PDE3A: variants seen among roughly 807,000 people sequenced by gnomAD.
PDE3A encodes cGMP-inhibited 3',5'-cyclic phosphodiesterase 3A.
PDE3A carries 43 observed loss-of-function variants against 98.3 expected under a neutral mutation model. That is an observed-to-expected ratio of 0.44 (90% confidence interval 0.34 to 0.56). The LOEUF is 0.56. Among genes scored for constraint, PDE3A ranks in the 20% least tolerant of loss-of-function variants. The pLI, the probability that PDE3A is intolerant of heterozygous loss-of-function variation, is 0.01. For missense variants in PDE3A, 1,427 were observed against 1,440.7 expected (o/e 0.99, Z 0.15); for synonymous variants, 663 against 567.9 (o/e 1.17, Z -2.38).
At chr12:20,639,370 A>G (rs76559165) in intron 9 of PDE3A, among the ~76,000 whole-genome samples, 3,232 of 152,208 alleles carry the variant, frequency 0.021, 91 homozygotes, top group Non-Finnish European at 0.029. Context: ...CTTATTAGTC[A>G]CTGTTTATGT....
chr12:20,659,947 C>T (rs562524608), intron 15 of PDE3A, among the ~76,000 whole-genome samples: 1 of 152,232 alleles, frequency 6.6e-6, no homozygotes, highest in African/African-American at 2.4e-5. Flanking sequence ...TACATATACA[C>T]AAAAGTAAAG....
intron 1 of PDE3A, among the ~76,000 whole-genome samples, chr12:20,543,581 G>A (rs1041720462): frequency 6.6e-6 from 1 of 152,010 alleles, no homozygotes; most frequent in South Asian, 2.1e-4. Flanking sequence ...TCATGGTCAT[G>A]CACATGCGTT....
At chr12:20,445,539 A>G (rs563959881) in intron 1 of PDE3A, among the ~76,000 whole-genome samples, 7 of 152,298 alleles carry the variant, frequency 4.6e-5, no homozygotes, top group African/African-American at 1.4e-4. Context: ...GTATTAAAAT[A>G]TGGGTGGCAG....
intron 1 of PDE3A, among the ~76,000 whole-genome samples, chr12:20,535,198 C>A (rs1352728965): frequency 6.6e-6 from 1 of 152,158 alleles, no homozygotes; most frequent in Non-Finnish European, 1.5e-5. Context: ...TATAAGGTTC[C>A]ATCTGTCTTG....
intron 1 of PDE3A, among the ~76,000 whole-genome samples, chr12:20,418,863 T>C (rs1459573502): frequency 6.6e-6 from 1 of 152,188 alleles, no homozygotes; most frequent in African/African-American, 2.4e-5. Context: ...ACCCATTTTA[T>C]ACATTAAAAG....
In PDE3A at chr12:20,686,121, A is replaced by C. The variant is rs1945954436; in HGVS notation, c.*5850A>C. Among the ~76,000 whole-genome samples, 1 of 152,172 alleles carries C rather than the reference A, an allele frequency of 6.6e-6. No individual in the cohort carries two copies. Among genetic ancestry groups the C allele is most frequent in the Admixed American group, 6.5e-5 (1 of 15,276 alleles). ...AATAAGAACTAGTATCATATAACAG[A>C]AAACTAGAAAGAAGGTTTAATTCTT... On this transcript the variant is annotated 3_prime_UTR_variant, in exon 16 of 16. Transcript: ENST00000359062.
At chr12:20,658,790 A>G (rs970968253) in intron 15 of PDE3A, among the ~76,000 whole-genome samples, 9 of 152,114 alleles carry the variant, frequency 5.9e-5, no homozygotes, top group Admixed American at 5.9e-4. Flanking sequence ...ATTTTGTAAG[A>G]CTGCAAAGCT....
intron 15 of PDE3A, among the ~76,000 whole-genome samples, chr12:20,676,841 G>A (rs7135818): frequency 0.69 from 104,887 of 151,992 alleles, 36,412 homozygotes; most frequent in East Asian, 0.79. Flanking sequence ...ACCACGGGGA[G>A]GACCTTGAAT....
intron 15 of PDE3A, among the ~76,000 whole-genome samples, chr12:20,677,486 G>A (rs1438195841): frequency 6.6e-6 from 1 of 151,994 alleles, no homozygotes; most frequent in African/African-American, 2.4e-5. Context: ...TTGAGACAGA[G>A]TCTCGCTCTG....
rs1351874961 is a variant in PDE3A, at chr12:20,635,030, T to C, written c.1975T>C (p.Tyr659His). The part of the protein sequence containing the change: ...PLRKASACST[Y>H]APETMMFLDK... The stretch of plus-strand genomic sequence containing the variant: ...GAGGAAAGCATCGGCTTGCAGCACC[T>C]ATGCTCCTGAGACCATGATGTTTCT... The change falls in exon 8 of 16, where the codon TAT becomes CAT. Residue 659 changes from tyrosine to histidine, a missense_variant. By Grantham distance (83) the Tyr-to-His change is moderately conservative. Around this residue, in one of 3 missense-constraint regions of PDE3A, gnomAD observed 1,012 missense variants for 886.5 expected, o/e 1.14. Transcript: ENST00000359062. The C allele has an allele frequency of 3.1e-6, 5 of 1,613,606 alleles. No individual in the cohort carries two copies. Among genetic ancestry groups the C allele is most frequent in the Non-Finnish European group, 4.2e-6 (5 of 1,179,668 alleles).
At chr12:20,518,508 G>A (rs1946362262) in intron 1 of PDE3A, among the ~76,000 whole-genome samples, 2 of 151,896 alleles carry the variant, frequency 1.3e-5, no homozygotes, top group South Asian at 4.2e-4. Context: ...GAAAGCAAAA[G>A]CAATATATAT....
chr12:20,444,811 A>G (rs945305348), intron 1 of PDE3A, among the ~76,000 whole-genome samples: 6 of 152,202 alleles, frequency 3.9e-5, no homozygotes, highest in Non-Finnish European at 7.3e-5. Context: ...GTGAGGAATC[A>G]AGCCTTAAAT....
At chr12:20,631,757 G>T (rs1349957824) in intron 6 of PDE3A, among the ~76,000 whole-genome samples, 1 of 143,888 alleles carries the variant, frequency 6.9e-6, no homozygotes, top group Non-Finnish European at 1.5e-5. Flanking sequence ...TTGTATAAAA[G>T]GTTTCAGAGA....
intron 5 of PDE3A, among the ~76,000 whole-genome samples, chr12:20,626,037 A>C (rs544833808): frequency 5.9e-5 from 9 of 152,092 alleles, no homozygotes; most frequent in Non-Finnish European, 1.2e-4. Context: ...GAGTGTGTAA[A>C]TGTGTGAGTG....
intron 1 of PDE3A, among the ~76,000 whole-genome samples, chr12:20,487,638 G>A (rs1031913436): frequency 1.1e-4 from 16 of 148,300 alleles, no homozygotes; most frequent in African/African-American, 3.7e-4. Flanking sequence ...GGGCAACAGA[G>A]AGAGACTCAG....
chr12:20,462,135 A>G (rs1945262232), intron 1 of PDE3A, among the ~76,000 whole-genome samples: 1 of 152,162 alleles, frequency 6.6e-6, no homozygotes, highest in Non-Finnish European at 1.5e-5. Context: ...TGTTCTTCTC[A>G]TTGACAAGTA....
intron 1 of PDE3A, among the ~76,000 whole-genome samples, chr12:20,411,473 CAG>C (rs1449811826): frequency 1.3e-5 from 2 of 152,070 alleles, no homozygotes; most frequent in Non-Finnish European, 2.9e-5. Flanking sequence ...TAGCATGTGT[CAG>C]AGTTTTGACA....
intron 3 of PDE3A, among the ~76,000 whole-genome samples, chr12:20,615,247 C>G (rs572243442): frequency 6.6e-6 from 1 of 152,118 alleles, no homozygotes; most frequent in South Asian, 2.1e-4. Flanking sequence ...AGTGTTGGTG[C>G]TCATCCTAGT....
intron 1 of PDE3A, among the ~76,000 whole-genome samples, chr12:20,501,631 C>A (rs758095973): frequency 2.0e-4 from 31 of 152,004 alleles, no homozygotes; most frequent in Non-Finnish European, 4.1e-4. Flanking sequence ...CCAAATCATA[C>A]CAGAAGAGTT....
Sources: allele counts gnomAD v4.1 joint callset (sites outside exome capture counted in the v4.1 genomes callset), GRCh38; gene constraint gnomAD v4.1.1; regional missense constraint gnomAD v4.1.1; transcripts MANE v1.5; gene names NCBI Gene and HGNC (gene_info 2026-07-23, HGNC 2026-07-21).